Variants in RBFOX2 observed in about 807,000 individuals in gnomAD.
The protein encoded by RBFOX2 is RNA binding fox-1 homolog 2.
In RBFOX2, 10 loss-of-function variants were observed where a neutral mutation model predicts 49.1. The observed-to-expected ratio is 0.20, with a 90% CI of 0.13 to 0.35. The LOEUF is 0.35. Among genes scored for constraint, RBFOX2 ranks in the 10% least tolerant of loss-of-function variants. RBFOX2 has a pLI of 1.00. For synonymous variants in RBFOX2, 183 were observed against 187.4 expected (o/e 0.98, Z 0.19); for missense variants, 323 against 486.9 (o/e 0.66, Z 3.17).
intron 1 of RBFOX2, among the ~76,000 whole-genome samples, chr22:35,850,619 A>G (rs2041831963): frequency 6.6e-6 from 1 of 152,102 alleles, no homozygotes; most frequent in Non-Finnish European, 1.5e-5. Context: ...CCTTTTAGGG[A>G]GCTGCTATAC....
intron 1 of RBFOX2, among the ~76,000 whole-genome samples, chr22:35,948,671 T>A (rs936273656): frequency 2.6e-5 from 4 of 151,930 alleles, no homozygotes; most frequent in African/African-American, 9.7e-5. Flanking sequence ...GGCAACAGAG[T>A]GAGACTGTCT....
At chr22:35,933,926 T>TTATA (rs3075245) in intron 1 of RBFOX2, among the ~76,000 whole-genome samples, 16,433 of 117,646 alleles carry the variant, frequency 0.14, 1,017 homozygotes, top group Middle Eastern at 0.19. Context: ...TAATTAAATG[T>TTATA]TATATATATA....
intron 1 of RBFOX2, among the ~76,000 whole-genome samples, chr22:36,003,706 G>C (rs2058516429): frequency 6.6e-6 from 1 of 152,212 alleles, no homozygotes; most frequent in Non-Finnish European, 1.5e-5. Context: ...TTAAGAAAGA[G>C]GTGACATCTA....
chr22:35,936,071 G>C (rs748492147), intron 1 of RBFOX2, among the ~76,000 whole-genome samples: 1 of 151,884 alleles, frequency 6.6e-6, no homozygotes, highest in African/African-American at 2.4e-5. Flanking sequence ...AACAGGCCGG[G>C]TGTGGTGGCA....
At position 35,746,458 on chromosome 22, in the gene RBFOX2, T is replaced by C. The variant is rs756129151; in HGVS notation, c.976+15A>G. ...TCTCATGCATCCCAAAGCTCACCAC[T>C]GTCTCTGTACATACCCGTCACTGTA... is the stretch of plus-strand genomic sequence containing the variant. On this transcript the variant is annotated intron_variant, in intron 10 of 11. Coordinates refer to ENST00000405409, the Ensembl canonical transcript of RBFOX2. 6.4e-7 allele frequency: 1 copy of C among 1,554,828 alleles called. No homozygotes were observed. The highest frequency in any genetic ancestry group is 1.2e-5 in the South Asian group (1 of 84,860).
intron 1 of RBFOX2, among the ~76,000 whole-genome samples, chr22:35,856,944 A>G (rs953856337): frequency 6.6e-6 from 1 of 152,184 alleles, no homozygotes; most frequent in Non-Finnish European, 1.5e-5. Context: ...AGGCAGGAGA[A>G]TTGCCTGAAC....
At chr22:35,795,547 A>G (rs976789300) in intron 2 of RBFOX2, among the ~76,000 whole-genome samples, 2 of 150,678 alleles carry the variant, frequency 1.3e-5, no homozygotes, top group Non-Finnish European at 3.0e-5. Context: ...CAGATAAAGA[A>G]GTCAATGGGC....
At chr22:35,948,053 T>A (rs1291784383) in intron 1 of RBFOX2, among the ~76,000 whole-genome samples, 1 of 152,236 alleles carries the variant, frequency 6.6e-6, no homozygotes, top group East Asian at 1.9e-4. Context: ...TACCTGTGTA[T>A]CATTTTTATC....
upstream of RBFOX2, among the ~76,000 whole-genome samples, chr22:35,963,897 C>T (rs896892959): frequency 1.3e-5 from 2 of 152,170 alleles, no homozygotes; most frequent in Non-Finnish European, 2.9e-5. Flanking sequence ...AGGCAAGCGC[C>T]ACCGGGCCTG....
In RBFOX2 at chr22:35,810,021, G is replaced by A. The variant is rs1354940133; in HGVS notation, c.28-17C>T. 2 of 1,610,436 alleles carry A rather than the reference G, an allele frequency of 1.2e-6. No individual in the cohort carries two copies. The highest frequency in any genetic ancestry group is 3.4e-5 in the Admixed American group (2 of 59,412). On this transcript the variant is annotated splice_polypyrimidine_tract_variant and intron_variant, in intron 1 of 11. Transcript: ENST00000405409. ...CTGGTTACCCTAAAACAAACAACAA[G>A]AGAAAGAAAAAGTGACTTTGAATCC...
exon 12 of RBFOX2, chr22:35,743,928 TTA>T (rs1931157894): frequency 5.9e-5 from 22 of 371,282 alleles, no homozygotes; most frequent in South Asian, 1.0e-4. Flanking sequence ...TGGAAATGCA[TTA>T]TTTTTTTTTT....
chr22:35,865,933 A>G (rs1446931978), intron 1 of RBFOX2, among the ~76,000 whole-genome samples: 1 of 152,258 alleles, frequency 6.6e-6, no homozygotes, highest in Non-Finnish European at 1.5e-5. Flanking sequence ...TGTTAACACA[A>G]TAAGCAACAA....
intron 1 of RBFOX2, among the ~76,000 whole-genome samples, chr22:35,851,967 C>T (rs2148985183): frequency 6.6e-6 from 1 of 152,024 alleles, no homozygotes; most frequent in East Asian, 1.9e-4. Flanking sequence ...TTTGCCATAC[C>T]TTAAGGGATT....
intron 1 of RBFOX2, among the ~76,000 whole-genome samples, chr22:36,015,752 T>G (rs181085024): frequency 4.1e-4 from 63 of 152,194 alleles, no homozygotes; most frequent in African/African-American, 1.4e-3. Flanking sequence ...ATGGAGAAAT[T>G]TAATCGGGGC....
chr22:35,873,225 C>A (rs2044591264), intron 1 of RBFOX2, among the ~76,000 whole-genome samples: 1 of 152,020 alleles, frequency 6.6e-6, no homozygotes. Context: ...TTCGCCTCCC[C>A]AGTTCAAGCA....
At chr22:35,891,131 T>A (rs1376534876) in intron 1 of RBFOX2, among the ~76,000 whole-genome samples, 4 of 152,086 alleles carry the variant, frequency 2.6e-5, no homozygotes, top group African/African-American at 9.7e-5. Flanking sequence ...TCTACCATGG[T>A]GTTATAAATT....
intron 1 of RBFOX2, among the ~76,000 whole-genome samples, chr22:35,825,707 G>A (rs1955520626): frequency 6.6e-6 from 1 of 152,132 alleles, no homozygotes; most frequent in Admixed American, 6.5e-5. Context: ...TAGGCCGGGT[G>A]CAGTGGCTCA....
intron 1 of RBFOX2, among the ~76,000 whole-genome samples, chr22:36,018,234 G>T (rs893790923): frequency 6.6e-6 from 1 of 152,182 alleles, no homozygotes; most frequent in African/African-American, 2.4e-5. Flanking sequence ...AATCTAAAAA[G>T]TCCTTTAACA....
At chr22:35,816,367 G>A (rs1239989089) in intron 1 of RBFOX2, among the ~76,000 whole-genome samples, 2 of 151,984 alleles carry the variant, frequency 1.3e-5, no homozygotes, top group East Asian at 3.9e-4. Flanking sequence ...GGGTAGAATT[G>A]TTTTGCTTTT....
Sources: gnomAD v4.1 joint callset for allele counts (sites outside exome capture counted in the v4.1 genomes callset) on GRCh38, gnomAD v4.1.1 for gene constraint, MANE v1.5 for transcripts, NCBI Gene and HGNC (gene_info 2026-07-23, HGNC 2026-07-21) for gene names.